SGK1: variants seen among roughly 807,000 people sequenced by gnomAD.
SGK1 encodes the protein serine/threonine-protein kinase Sgk1.
SGK1 carries 26 observed loss-of-function variants against 64.2 expected under a neutral mutation model. That is an observed-to-expected ratio of 0.40 (90% CI 0.30 to 0.56). The LOEUF (loss-of-function observed/expected upper bound fraction) is 0.56. Among genes scored for constraint, SGK1 ranks in the 20% least tolerant of loss-of-function variants. SGK1 has a pLI of 0.38. For missense variants in SGK1, 519 were observed against 645.6 expected, an observed-to-expected ratio of 0.80 and a Z score of 2.12; for synonymous variants, 265 against 239.7, an observed-to-expected ratio of 1.11 and a Z score of -0.98.
rs114580720 is a variant in SGK1, at chr6:134,173,959, C to T, written c.513+46G>A. 5.1e-4 allele frequency: 667 copies of T among 1,309,776 alleles called. 1 individual carries two copies. In the African/African-American group the frequency reaches 7.6e-3, roughly 15 times the overall value. 81.1% of individuals were successfully genotyped at this position (1,309,776 alleles called of 1,614,324 possible). ...CCATTAATGTAGGAATACTAACTGA[C>T]TCCCTTACAGTTCTCCACAGATGCA... On this transcript the variant is annotated intron_variant, in intron 5 of 13. Coordinates refer to ENST00000367858, the MANE Select transcript of SGK1 (RefSeq NM_001143676.3).
At chr6:134,297,963 G>A (rs1364554984) in intron 1 of SGK1, 11 of 808,878 alleles carry the variant, frequency 1.4e-5, no homozygotes, top group Middle Eastern at 2.6e-4. Context: ...GTCCATGTCC[G>A]GGGAGCGGCT....
chr6:134,174,925 G>C (rs1296540109), intron 3 of SGK1: 7 of 1,527,146 alleles, frequency 4.6e-6, no homozygotes, highest in South Asian at 1.2e-5. Context: ...GGGCCTGCGC[G>C]ACAGTGAGAA....
intron 3 of SGK1, among the ~76,000 whole-genome samples, chr6:134,176,680 G>T (rs1775242505): frequency 6.6e-6 from 1 of 152,220 alleles, no homozygotes; most frequent in African/African-American, 2.4e-5. Context: ...TTGCCTACTG[G>T]ATCTGGCACA....
At chr6:134,279,355 C>G (rs998580373) in intron 1 of SGK1, among the ~76,000 whole-genome samples, 1 of 151,906 alleles carries the variant, frequency 6.6e-6, no homozygotes, top group African/African-American at 2.4e-5. Context: ...CACTTGAACC[C>G]GGGAGGTAGA....
chr6:134,210,202 C>T (rs1246497492), intron 2 of SGK1, among the ~76,000 whole-genome samples: 2 of 152,160 alleles, frequency 1.3e-5, no homozygotes, highest in East Asian at 1.9e-4. Flanking sequence ...GTGGTAAATA[C>T]ATACAATGGA....
chr6:134,232,851 C>CA (rs1173880594), intron 2 of SGK1, among the ~76,000 whole-genome samples: 4,170 of 103,206 alleles, frequency 0.04, 167 homozygotes, highest in African/African-American at 0.11. Flanking sequence ...GACTCCACCT[C>CA]AAAAAAAAAA....
intron 2 of SGK1, among the ~76,000 whole-genome samples, chr6:134,244,293 G>A (rs1446648991): frequency 6.6e-6 from 1 of 152,122 alleles, no homozygotes; most frequent in Non-Finnish European, 1.5e-5. Context: ...CCCTGCAAAG[G>A]ATAAGAACTC....
At chr6:134,235,536 GATATTTTT>G (rs1278040080) in intron 2 of SGK1, among the ~76,000 whole-genome samples, 370 of 28,760 alleles carry the variant, frequency 0.013, 1 homozygote, top group Middle Eastern at 0.043. Flanking sequence ...GGAAAAAATA[GATATTTTT>G]ATTTATTTAT....
chr6:134,229,031 G>C (rs1327721503), intron 2 of SGK1, among the ~76,000 whole-genome samples: 9 of 152,146 alleles, frequency 5.9e-5, no homozygotes, highest in Non-Finnish European at 1.5e-5. Context: ...TTTTAGTAGA[G>C]ACGGGGTTTC....
In SGK1 at chr6:134,261,986, C is replaced by A. The variant is rs199616442; in HGVS notation, c.232G>T (p.Val78Phe). 3 of 1,613,758 alleles carry A rather than the reference C, an allele frequency of 1.9e-6. No homozygotes were observed. Among genetic ancestry groups the A allele is most frequent in the Non-Finnish European group, 2.5e-6 (3 of 1,179,846 alleles). The change falls in exon 2 of 14, where the codon GTT becomes TTT. Residue 78 changes from valine (V) to phenylalanine (F), a missense_variant. Physicochemically the swap from Val to Phe is conservative, Grantham distance 50. Coordinates refer to ENST00000367858, the MANE Select transcript of SGK1 (RefSeq NM_001143676.3). The stretch of plus-strand genomic sequence containing the variant: ...CATGACTCGTTCTCCTGAGGGAGAA[C>A]CCCTCTTTGGAAAGCATGTTCACCC... ...CLGEHAFQRGVLPQENESCSW... is the reference protein window; with the variant it reads ...CLGEHAFQRGFLPQENESCSW...
At chr6:134,185,974 G>A (rs889996645) in intron 3 of SGK1, among the ~76,000 whole-genome samples, 8 of 151,962 alleles carry the variant, frequency 5.3e-5, no homozygotes, top group Non-Finnish European at 1.0e-4. Flanking sequence ...CCCTGTCCCC[G>A]CATTAGTGGG....
intron 1 of SGK1, chr6:134,298,184 C>G: frequency 2.1e-6 from 3 of 1,451,292 alleles, no homozygotes; most frequent in South Asian, 1.1e-5. Flanking sequence ...CTCATCCTCA[C>G]CAGCCCCTGC....
intron 2 of SGK1, among the ~76,000 whole-genome samples, chr6:134,220,315 C>G (rs1468048294): frequency 1.3e-5 from 2 of 152,012 alleles, no homozygotes; most frequent in Admixed American, 6.6e-5. Flanking sequence ...TGACTTAGTT[C>G]AGCTCCCTTA....
At chr6:134,289,869 C>A (rs548423861) in intron 1 of SGK1, among the ~76,000 whole-genome samples, 18 of 152,064 alleles carry the variant, frequency 1.2e-4, no homozygotes, top group African/African-American at 4.1e-4. Flanking sequence ...AGCTATGTGG[C>A]CTGGTGCAGT....
chr6:134,209,396 T>C (rs951805996), intron 2 of SGK1, among the ~76,000 whole-genome samples: 2 of 152,132 alleles, frequency 1.3e-5, no homozygotes, highest in African/African-American at 4.8e-5. Context: ...ATCGTGCCAC[T>C]GCACTCTAGC....
chr6:134,208,745 CGTATATATATATATACACATATATATGT>C (rs1288764100), intron 2 of SGK1, among the ~76,000 whole-genome samples: 91 of 150,572 alleles, frequency 6.0e-4, no homozygotes, highest in African/African-American at 2.1e-3. Flanking sequence ...TCCATGTATG[CGTATATATATATATACACATATATATGT>C]GTATATATAG....
chr6:134,175,033 A>C (rs1311311822), intron 3 of SGK1: 49 of 785,976 alleles, frequency 6.2e-5, no homozygotes, highest in Non-Finnish European at 8.7e-5. Context: ...GTCCCCATTG[A>C]GAGGGCGAGC....
intron 10 of SGK1, 111 bp downstream of exon 10, chr6:134,172,082 T>C: frequency 8.4e-7 from 1 of 1,191,116 alleles, no homozygotes; most frequent in South Asian, 1.4e-5. Flanking sequence ...CTGAACTGTA[T>C]TAAGAAGTCT....
intron 1 of SGK1, among the ~76,000 whole-genome samples, chr6:134,286,095 C>T (rs1281503555): frequency 2.0e-5 from 3 of 152,106 alleles, no homozygotes; most frequent in Non-Finnish European, 2.9e-5. Context: ...AGAGAGGTTT[C>T]GTTAGTAACC....
Sources: gnomAD v4.1 joint callset for allele counts (sites outside exome capture counted in the v4.1 genomes callset) on GRCh38, gnomAD v4.1.1 for gene constraint, MANE v1.5 for transcripts, NCBI Gene and HGNC (gene_info 2026-07-23, HGNC 2026-07-21) for gene names.